The following PBX3 variants were observed in gnomAD, a reference collection of about 807,000 sequenced individuals.
The protein encoded by PBX3 is pre-B-cell leukemia transcription factor 3.
PBX3 carries 14 observed loss-of-function variants against 48.5 expected under a neutral mutation model. The ratio of observed to expected loss-of-function variants is 0.29; its 90% CI spans 0.19 to 0.45. The LOEUF is 0.45. PBX3 is among the 20% of genes least tolerant of loss of function. The pLI is 1.00. For synonymous variants in PBX3, 210 were observed against 200.3 expected (o/e 1.05, Z -0.41); for missense variants, 386 against 546.7 (o/e 0.71, Z 2.93).
At chr9:125,936,185 G>C (rs78737900) in intron 5 of PBX3, among the ~76,000 whole-genome samples, 1,670 of 152,256 alleles carry the variant, frequency 0.011, 29 homozygotes, top group African/African-American at 0.039. Flanking sequence ...AATAATTTCT[G>C]ACCCTGAAGT....
At chr9:125,800,132 C>G (rs1837896383) in intron 2 of PBX3, among the ~76,000 whole-genome samples, 2 of 152,126 alleles carry the variant, frequency 1.3e-5, no homozygotes, top group African/African-American at 4.8e-5. Context: ...TTGGTTTTTG[C>G]TTCAACTATG....
At position 125,747,535 on chromosome 9, in the gene PBX3, C is replaced by T. The variant is rs765268845; in HGVS notation, c.82C>T (p.Pro28Ser). ...CTCGGTGCAGGGGGGCATGGCCCTG[C>T]CGCCTCCCCCGCACGGCCACGAAGG... ...GHSVQGGMAL[P>S]PPPHGHEGAD... The change falls in exon 1 of 9, where the codon CCG becomes TCG. Residue 28 changes from proline (P) to serine (S), a missense_variant. This residue lies in a region of PBX3 where 116 missense variants were observed against 98.2 expected (regional missense o/e 1.18). Transcript: ENST00000373489. 1 of 1,603,526 alleles carries T rather than the reference C, an allele frequency of 6.2e-7. No homozygotes were observed. Among genetic ancestry groups the T allele is most frequent in the Non-Finnish European group, 8.5e-7 (1 of 1,175,366 alleles).
At chr9:125,827,569 TGTC>T (rs1311541557) in intron 2 of PBX3, among the ~76,000 whole-genome samples, 1 of 152,214 alleles carries the variant, frequency 6.6e-6, no homozygotes, top group Admixed American at 6.5e-5. Flanking sequence ...AATACCTATG[TGTC>T]GTATATACAC....
At chr9:125,888,963 T>G (rs1296882928) in intron 2 of PBX3, among the ~76,000 whole-genome samples, 1 of 152,176 alleles carries the variant, frequency 6.6e-6, no homozygotes, top group Non-Finnish European at 1.5e-5. Context: ...TCCAAAAATG[T>G]ACATTTTTGG....
At chr9:125,802,403 C>T (rs993527403) in intron 2 of PBX3, among the ~76,000 whole-genome samples, 4 of 122,822 alleles carry the variant, frequency 3.3e-5, no homozygotes, top group Admixed American at 1.0e-4. Context: ...GGTCTCATTC[C>T]GTTGCCCAGT....
intron 4 of PBX3, among the ~76,000 whole-genome samples, chr9:125,932,683 TAGAA>T (rs1217226179): frequency 1.1e-4 from 17 of 152,364 alleles, no homozygotes; most frequent in South Asian, 6.2e-4. Flanking sequence ...ACATGTCTGA[TAGAA>T]AGAAATATTT....
At chr9:125,852,174 C>T (rs894378803) in intron 2 of PBX3, among the ~76,000 whole-genome samples, 1 of 152,080 alleles carries the variant, frequency 6.6e-6, no homozygotes, top group African/African-American at 2.4e-5. Flanking sequence ...TGTTACTTTC[C>T]TTTTTAGCTG....
chr9:125,869,725 A>G (rs1840071237), intron 2 of PBX3, among the ~76,000 whole-genome samples: 1 of 152,232 alleles, frequency 6.6e-6, no homozygotes, highest in South Asian at 2.1e-4. Context: ...CACTACCAAT[A>G]GAATTCCACT....
At chr9:125,850,379 T>C (rs1215852134) in intron 2 of PBX3, among the ~76,000 whole-genome samples, 1 of 152,060 alleles carries the variant, frequency 6.6e-6, no homozygotes, top group Non-Finnish European at 1.5e-5. Flanking sequence ...GTCCATGGCA[T>C]TTAGTATCTA....
In PBX3 at chr9:125,747,564, GGACGGC is replaced by G. The variant is rs769911705; in HGVS notation, c.118_123del (p.Asp40_Gly41del). On this transcript the variant is annotated inframe_deletion, in exon 1 of 9. Transcript: ENST00000373489. The stretch of plus-strand genomic sequence containing the variant: ...CTCCCCCGCACGGCCACGAAGGGGC[GGACGGC>G]GACGGCAGGAAGCAGGACATCGGCG... The G allele has an allele frequency of 1.2e-6, 2 of 1,606,538 alleles. No homozygotes were observed. Among genetic ancestry groups the G allele is most frequent in the South Asian group, 2.2e-5 (2 of 90,412 alleles).
chr9:125,887,036 A>G (rs1840518496), intron 2 of PBX3, among the ~76,000 whole-genome samples: 2 of 152,150 alleles, frequency 1.3e-5, no homozygotes, highest in Non-Finnish European at 2.9e-5. Context: ...TACTTTTGTC[A>G]CATATCATGG....
At chr9:125,847,460 C>T (rs555292512) in intron 2 of PBX3, among the ~76,000 whole-genome samples, 19 of 151,626 alleles carry the variant, frequency 1.3e-4, no homozygotes, top group Non-Finnish European at 2.7e-4. Context: ...GAAGAATACC[C>T]AATGATATGG....
intron 2 of PBX3, among the ~76,000 whole-genome samples, chr9:125,834,467 G>A (rs1423009983): frequency 6.6e-6 from 1 of 151,514 alleles, no homozygotes; most frequent in African/African-American, 2.4e-5. Context: ...GCTTGATCTC[G>A]GCTCACTGCA....
chr9:125,840,163 G>A (rs1249315254), intron 2 of PBX3, among the ~76,000 whole-genome samples: 1 of 151,974 alleles, frequency 6.6e-6, no homozygotes, highest in Non-Finnish European at 1.5e-5. Context: ...CTAGCATTAT[G>A]GTGATATTTA....
chr9:125,816,135 G>C (rs985489996), intron 2 of PBX3, among the ~76,000 whole-genome samples: 1 of 152,038 alleles, frequency 6.6e-6, no homozygotes, highest in African/African-American at 2.4e-5. Context: ...CTCAGGCGAG[G>C]ACCACCACGC....
intron 2 of PBX3, among the ~76,000 whole-genome samples, chr9:125,893,753 T>C (rs1840705432): frequency 6.6e-6 from 1 of 152,176 alleles, no homozygotes; most frequent in South Asian, 2.1e-4. Flanking sequence ...AGCCTGAAAA[T>C]AGATGAAAAT....
At chr9:125,913,620 G>A (rs573089681) in intron 2 of PBX3, among the ~76,000 whole-genome samples, 15 of 152,140 alleles carry the variant, frequency 9.9e-5, no homozygotes, top group African/African-American at 3.1e-4. Flanking sequence ...CTTGTTTGCC[G>A]TACATGTGCA....
rs199999857 is a variant in PBX3, at chr9:125,939,010, T to TAC, written c.843+3417_843+3418dup. Among the ~76,000 whole-genome samples the TAC allele has an allele frequency of 1.4e-3, 204 of 150,384 alleles. 1 individual carries two copies. Among genetic ancestry groups the TAC allele is most frequent in the South Asian group, 0.011 (51 of 4,766 alleles). ...GTGTGTGTGTGTATATAAACACACA[T>TAC]ACACACACACACACAGCATGAGTGC... On this transcript the variant is annotated intron_variant, in intron 5 of 8. Transcript: ENST00000373489.
intron 2 of PBX3, among the ~76,000 whole-genome samples, chr9:125,849,618 A>G (rs1415014192): frequency 6.6e-6 from 1 of 151,998 alleles, no homozygotes; most frequent in Non-Finnish European, 1.5e-5. Flanking sequence ...AATCAATATC[A>G]TGTCATAGTT....
Sources: gnomAD v4.1 joint callset for allele counts (sites outside exome capture counted in the v4.1 genomes callset) on GRCh38, gnomAD v4.1.1 for gene constraint, gnomAD v4.1.1 regional missense constraint, MANE v1.5 for transcripts, NCBI Gene and HGNC (gene_info 2026-07-23, HGNC 2026-07-21) for gene names.